The following CTTNBP2 variants were observed in gnomAD, a reference collection of about 807,000 sequenced individuals.
CTTNBP2 encodes cortactin-binding protein 2.
In CTTNBP2, 108 loss-of-function variants were observed where a neutral mutation model predicts 156.9. The observed-to-expected ratio is 0.69, with a 90% CI of 0.59 to 0.81. The LOEUF is 0.81. Ranked by LOEUF, CTTNBP2 falls within the 30% of genes least tolerant of loss-of-function variation. The pLI is 0.00. For missense variants in CTTNBP2, 1,924 were observed against 2,035.4 expected (o/e 0.95, Z 1.05); for synonymous variants, 767 against 751.8 (o/e 1.02, Z -0.33).
chr7:117,780,643 G>T, intron 6 of CTTNBP2, 52 bp from the exon 7 acceptor site: 1 of 1,162,214 alleles, frequency 8.6e-7, no homozygotes, highest in Non-Finnish European at 1.2e-6. Context: ...GACCTTTGAA[G>T]CACCACCTAA....
intron 3 of CTTNBP2, among the ~76,000 whole-genome samples, chr7:117,794,926 C>T (rs1201415573): frequency 3.5e-5 from 4 of 115,890 alleles, no homozygotes; most frequent in African/African-American, 6.8e-5. Context: ...CTCGCTCTGT[C>T]GCCCAGGCGG....
chr7:117,821,899 T>C (rs1800992513), intron 2 of CTTNBP2, among the ~76,000 whole-genome samples: 1 of 152,118 alleles, frequency 6.6e-6, no homozygotes, highest in Non-Finnish European at 1.5e-5. Context: ...CTGTTTAGGA[T>C]TTTTTACATC....
intron 9 of CTTNBP2, among the ~76,000 whole-genome samples, chr7:117,762,075 T>G (rs533354909): frequency 6.6e-6 from 1 of 152,306 alleles, no homozygotes; most frequent in South Asian, 2.1e-4. Context: ...ATGTTGTTCC[T>G]TTGTTGTTCT....
chr7:117,850,091 T>C (rs561658193), intron 2 of CTTNBP2, among the ~76,000 whole-genome samples: 5 of 152,312 alleles, frequency 3.3e-5, no homozygotes, highest in Admixed American at 6.5e-5. Flanking sequence ...CAAAGGCAGG[T>C]ATTACCTGGA....
chr7:117,772,867 T>G (rs1584978180), intron 8 of CTTNBP2, among the ~76,000 whole-genome samples: 1 of 152,116 alleles, frequency 6.6e-6, no homozygotes, highest in African/African-American at 2.4e-5. Flanking sequence ...GGATGAGAGG[T>G]GGAGCACGAC....
At chr7:117,866,599 G>A (rs974506209) in intron 1 of CTTNBP2, among the ~76,000 whole-genome samples, 1 of 152,200 alleles carries the variant, frequency 6.6e-6, no homozygotes, top group Non-Finnish European at 1.5e-5. Flanking sequence ...GATGAGCAAT[G>A]TGGCTAGGGA....
At chr7:117,838,643 T>C (rs1802092079) in intron 2 of CTTNBP2, among the ~76,000 whole-genome samples, 1 of 152,184 alleles carries the variant, frequency 6.6e-6, no homozygotes, top group South Asian at 2.1e-4. Flanking sequence ...ATTTAACAAA[T>C]GATCCAGCTT....
intron 22 of CTTNBP2, among the ~76,000 whole-genome samples, chr7:117,713,272 T>A (rs1794160845): frequency 6.6e-6 from 1 of 152,182 alleles, no homozygotes; most frequent in African/African-American, 2.4e-5. Flanking sequence ...TGATAATCTT[T>A]CCCTTCAGAG....
In CTTNBP2 at chr7:117,773,664, C is replaced by G. The variant is rs901920009; in HGVS notation, c.2778+3847G>C. On this transcript the variant is annotated intron_variant, in intron 8 of 22. Transcript: ENST00000160373. Reference sequence around the variant, plus strand: ...CTTAGAGTTAACACACACACACACACACACACACACACACACACACACACA... The same window carrying G: ...CTTAGAGTTAACACACACACACACAGACACACACACACACACACACACACA... 1.2e-4 allele frequency among the ~76,000 whole-genome samples: 16 copies of G among 137,308 alleles called. 1 individual carries two copies. Among genetic ancestry groups the G allele is most frequent in the African/African-American group, 5.3e-4 (16 of 30,378 alleles). 90.1% of individuals were successfully genotyped at this position (137,308 alleles called of 152,430 possible). A position where few individuals can be genotyped will look rare whatever the true frequency, so the allele number is the denominator to read the frequency against.
At chr7:117,860,121 C>T (rs1803612924) in intron 2 of CTTNBP2, among the ~76,000 whole-genome samples, 1 of 152,100 alleles carries the variant, frequency 6.6e-6, no homozygotes, top group African/African-American at 2.4e-5. Flanking sequence ...AAACAATTCC[C>T]TGATGAAATA....
intron 14 of CTTNBP2, among the ~76,000 whole-genome samples, chr7:117,739,869 A>C (rs533030376): frequency 6.6e-6 from 1 of 152,356 alleles, no homozygotes; most frequent in Admixed American, 6.5e-5. Flanking sequence ...ATAGTCTCCT[A>C]TTGTAACAGC....
intron 7 of CTTNBP2, among the ~76,000 whole-genome samples, chr7:117,779,420 T>C (rs1384533526): frequency 6.6e-6 from 1 of 152,220 alleles, no homozygotes; most frequent in Non-Finnish European, 1.5e-5. Context: ...CTAAAGGTTT[T>C]GTTCAGCTCA....
At chr7:117,803,371 A>C (rs1799741506) in intron 3 of CTTNBP2, among the ~76,000 whole-genome samples, 1 of 152,092 alleles carries the variant, frequency 6.6e-6, no homozygotes, top group South Asian at 2.1e-4. Flanking sequence ...GGAACAATAG[A>C]TGCTGAGGAC....
At position 117,848,186 on chromosome 7, in the gene CTTNBP2, T is replaced by C. The variant is rs75118026; in HGVS notation, c.189+13023A>G. ...CATAAAATGATTAAATAAGGAACAT[T>C]AGCAAATGTTATGAGATCAAGCTGG... On this transcript the variant is annotated intron_variant, in intron 2 of 22. Transcript: ENST00000160373. Among the ~76,000 whole-genome samples, 1,517 of 152,196 alleles carry C rather than the reference T, an allele frequency of 1.0e-2. 8 individuals carry two copies. Among genetic ancestry groups the C allele is most frequent in the Middle Eastern group, 0.037 (11 of 294 alleles).
intron 4 of CTTNBP2, among the ~76,000 whole-genome samples, chr7:117,787,143 T>C (rs956580349): frequency 3.3e-5 from 5 of 152,212 alleles, no homozygotes; most frequent in Non-Finnish European, 7.3e-5. Context: ...CATGAGACTA[T>C]ACTGTTCATC....
intron 18 of CTTNBP2, 73 bp from the exon 19 acceptor site, chr7:117,724,805 A>G (rs1261996224): frequency 2.0e-6 from 3 of 1,519,768 alleles, no homozygotes; most frequent in Non-Finnish European, 1.8e-6. Context: ...CCGTTTCTCA[A>G]AGATACGGAC....
rs112301536 is a variant in CTTNBP2 at position 117,833,131 on chromosome 7, C to T, written c.190-22142G>A. The stretch of plus-strand genomic sequence containing the variant: ...TAATCACCCCCAGGTCCAGGTATCC[C>T]ATAAGTCCCACAAACAGAGGCAGTC... On this transcript the variant is annotated intron_variant, in intron 2 of 22. Transcript: ENST00000160373. Among the ~76,000 whole-genome samples, 242 of 152,230 alleles carry T rather than the reference C, an allele frequency of 1.6e-3. 2 individuals carry two copies. The East Asian group carries it at 0.03, about 19-fold the overall frequency.
chr7:117,789,532 CA>C (rs573987737), intron 4 of CTTNBP2, among the ~76,000 whole-genome samples: 24 of 151,990 alleles, frequency 1.6e-4, no homozygotes, highest in Non-Finnish European at 3.4e-4. Flanking sequence ...AAGAAACAGC[CA>C]AAATTATTTT....
At chr7:117,789,245 A>G (rs7800765) in intron 4 of CTTNBP2, among the ~76,000 whole-genome samples, 143,272 of 152,270 alleles carry the variant, frequency 0.94, 67,432 homozygotes, top group East Asian at 1. Flanking sequence ...CAAAGGGCAC[A>G]TGCAGCTAAA....
Sources: gnomAD v4.1 joint callset for allele counts (sites outside exome capture counted in the v4.1 genomes callset) on GRCh38, gnomAD v4.1.1 for gene constraint, MANE v1.5 for transcripts, NCBI Gene and HGNC (gene_info 2026-07-23, HGNC 2026-07-21) for gene names.